Variants in RELN observed in about 807,000 individuals in gnomAD.
RELN encodes the protein reelin.
In RELN, 108 loss-of-function variants were observed where a neutral mutation model predicts 427.6. The ratio of observed to expected loss-of-function variants is 0.25; its 90% CI spans 0.22 to 0.30. RELN has a LOEUF of 0.30. Ranked by LOEUF, RELN falls within the 10% of genes least tolerant of loss-of-function variation. The pLI is 1.00. For missense variants in RELN, 3,715 were observed against 4,302.8 expected (o/e 0.86, Z 3.82); for synonymous variants, 1,524 against 1,513.4 (o/e 1.01, Z -0.16).
chr7:103,886,450 T>A (rs1305143534), intron 2 of RELN, among the ~76,000 whole-genome samples: 2 of 152,202 alleles, frequency 1.3e-5, no homozygotes, highest in Non-Finnish European at 2.9e-5. Flanking sequence ...TGTGATTCTG[T>A]ACTAACAAAA....
At chr7:103,476,448 C>G (rs1288545386) in intron 64 of RELN, among the ~76,000 whole-genome samples, 1 of 152,046 alleles carries the variant, frequency 6.6e-6, no homozygotes, top group Non-Finnish European at 1.5e-5. Flanking sequence ...CCACTGCACT[C>G]CAGCCTGGGG....
intron 11 of RELN, among the ~76,000 whole-genome samples, chr7:103,676,783 G>A (rs112606736): frequency 0.013 from 1,909 of 149,358 alleles, 28 homozygotes; most frequent in African/African-American, 0.042. Context: ...GCAAAATATC[G>A]CAAGGACAGA....
intron 2 of RELN, among the ~76,000 whole-genome samples, chr7:103,869,584 A>G (rs1261571476): frequency 6.6e-6 from 1 of 152,106 alleles, no homozygotes; most frequent in Non-Finnish European, 1.5e-5. Flanking sequence ...TAATAGTGTC[A>G]CCAAGTGTCC....
intron 19 of RELN, among the ~76,000 whole-genome samples, chr7:103,632,614 A>G (rs1832494426): frequency 6.6e-6 from 1 of 152,160 alleles, no homozygotes; most frequent in Non-Finnish European, 1.5e-5. Flanking sequence ...TGGTTAGAAT[A>G]GCTGTGGAAC....
chr7:103,539,566 A>G, intron 44 of RELN: 1 of 529,094 alleles, frequency 1.9e-6, no homozygotes, highest in Non-Finnish European at 3.4e-6. Context: ...CACAGCCTAC[A>G]TTGGCCAAAC....
Position 103,626,869 on chromosome 7 carries a change from G to C in RELN, c.2702+3071C>G, listed in dbSNP as rs1031149341. The stretch of plus-strand genomic sequence containing the variant: ...TTAAGGAATATTAGAACCTAAAGCA[G>C]ACAGAAGTTCTGAGTTCAGATACTA... On this transcript the variant is annotated intron_variant, in intron 20 of 64. Coordinates refer to ENST00000428762, the MANE Select transcript of RELN (RefSeq NM_005045.4). The surrounding 1 kb of genome is among the most constrained non-coding windows in gnomAD (Gnocchi z 4.4). 6.6e-6 allele frequency among the ~76,000 whole-genome samples: 1 copy of C among 152,076 alleles called. No individual in the cohort carries two copies. The highest frequency in any genetic ancestry group is 2.4e-5 in the African/African-American group (1 of 41,444).
Position 103,824,226 on chromosome 7 carries a change from C to A in RELN, c.473+9311G>T, listed in dbSNP as rs1399644934. ...ATTTGTCTTATTATTTTTATTCTCT[C>A]CTTCTAAAACTTCAATTAGATGTTA... On this transcript the variant is annotated intron_variant, in intron 3 of 64. Transcript: ENST00000428762. This position sits in a 1 kb window ranked among gnomAD's most constrained non-coding sequence, Gnocchi z 4.4. Among the ~76,000 whole-genome samples the A allele has an allele frequency of 1.3e-5, 2 of 152,038 alleles. No homozygotes were observed. The highest frequency in any genetic ancestry group is 2.9e-5 in the Non-Finnish European group (2 of 67,994).
At chr7:103,506,667 A>C (rs1043120532) in intron 51 of RELN, among the ~76,000 whole-genome samples, 1 of 152,230 alleles carries the variant, frequency 6.6e-6, no homozygotes, top group Admixed American at 6.5e-5. Context: ...GGGCAAAATA[A>C]CCAGCTAGCA....
At chr7:103,870,107 T>C (rs1465846776) in intron 2 of RELN, among the ~76,000 whole-genome samples, 4 of 152,100 alleles carry the variant, frequency 2.6e-5, no homozygotes, top group Admixed American at 6.6e-5. Flanking sequence ...TTTATTTTTC[T>C]CCTAAGATTC....
At chr7:103,706,739 CCATAATGGT>C (rs1834210082) in intron 8 of RELN, among the ~76,000 whole-genome samples, 1 of 151,796 alleles carries the variant, frequency 6.6e-6, no homozygotes. Context: ...TGACTCAAGG[CCATAATGGT>C]CTTGTTTTTG....
intron 28 of RELN, among the ~76,000 whole-genome samples, chr7:103,576,102 G>A (rs553549201): frequency 4.6e-5 from 7 of 152,234 alleles, no homozygotes; most frequent in African/African-American, 1.4e-4. Context: ...GTGGTGGCAC[G>A]TGCTTGTAGT....
At chr7:103,660,457 A>G (rs1833115437) in intron 12 of RELN, among the ~76,000 whole-genome samples, 1 of 152,220 alleles carries the variant, frequency 6.6e-6, no homozygotes, top group South Asian at 2.1e-4. Context: ...AGTTAGCATC[A>G]CATAGGTAAT....
At chr7:103,530,262 G>T (rs1277523210) in intron 46 of RELN, among the ~76,000 whole-genome samples, 1 of 152,108 alleles carries the variant, frequency 6.6e-6, no homozygotes, top group African/African-American at 2.4e-5. Context: ...CTTGCTCCCC[G>T]CATCTTCTCA....
chr7:103,654,581 G>A (rs575714058), intron 12 of RELN, among the ~76,000 whole-genome samples: 1 of 152,188 alleles, frequency 6.6e-6, no homozygotes, highest in South Asian at 2.1e-4. Context: ...AGAACCTGTT[G>A]GTTATGGTTT....
intron 1 of RELN, among the ~76,000 whole-genome samples, chr7:103,959,609 CTCTCTT>C (rs1207451741): frequency 2.7e-5 from 4 of 149,544 alleles, no homozygotes; most frequent in African/African-American, 9.7e-5. Flanking sequence ...TCCTCTCTCT[CTCTCTT>C]TTTTTCTTTT....
chr7:103,501,095 A>C (rs1346395147), intron 52 of RELN, among the ~76,000 whole-genome samples, 173 bp from the exon 53 acceptor site: 1 of 152,226 alleles, frequency 6.6e-6, no homozygotes, highest in Non-Finnish European at 1.5e-5. Flanking sequence ...TAGTAATGGA[A>C]CTTTCAAGCT....
intron 11 of RELN, among the ~76,000 whole-genome samples, chr7:103,668,528 A>G (rs1291069951): frequency 6.6e-6 from 1 of 152,066 alleles, no homozygotes; most frequent in African/African-American, 2.4e-5. Flanking sequence ...ATTTGCTCTG[A>G]TTTTCTTACA....
intron 30 of RELN, among the ~76,000 whole-genome samples, chr7:103,572,604 T>A (rs1331040731): frequency 2.0e-5 from 3 of 151,892 alleles, no homozygotes; most frequent in Non-Finnish European, 2.9e-5. Context: ...TGGCGTGATC[T>A]CGACTCACTG....
At chr7:103,485,985 GAAATAC>G (rs1288972487) in intron 61 of RELN, among the ~76,000 whole-genome samples, 3 of 152,074 alleles carry the variant, frequency 2.0e-5, no homozygotes, top group African/African-American at 7.3e-5. Context: ...TGTGGGTGAA[GAAATAC>G]AAAGCAATTC....
Sources: gnomAD v4.1 joint callset for allele counts (sites outside exome capture counted in the v4.1 genomes callset) on GRCh38, gnomAD v4.1.1 for gene constraint, Gnocchi (gnomAD v3.1) non-coding constraint, MANE v1.5 for transcripts, NCBI Gene and HGNC (gene_info 2026-07-23, HGNC 2026-07-21) for gene names.